GRIP2: variants seen among roughly 807,000 people sequenced by gnomAD.
The protein encoded by GRIP2 is glutamate receptor-interacting protein 2.
A neutral mutation model predicts 108.3 loss-of-function variants in GRIP2; 58 were observed. The observed-to-expected ratio is 0.54, with a 90% confidence interval of 0.43 to 0.67. GRIP2 has a LOEUF of 0.67. Among genes scored for constraint, GRIP2 ranks in the 30% least tolerant of loss-of-function variants. The pLI is 0.00. For missense variants in GRIP2, 1,278 were observed against 1,430.6 expected, an observed-to-expected ratio of 0.89 and a Z score of 1.72; for synonymous variants, 586 against 598.2, an observed-to-expected ratio of 0.98 and a Z score of 0.30.
the GRIP2 span, chr3:14,573,602 G>T: frequency 6.8e-7 from 1 of 1,467,384 alleles, no homozygotes; most frequent in South Asian, 1.1e-5. Flanking sequence ...TCTCACACTC[G>T]CCGTTGGTGC....
intron 1 of GRIP2, among the ~76,000 whole-genome samples, chr3:14,550,806 G>C (rs1695134898): frequency 6.6e-6 from 1 of 152,176 alleles, no homozygotes; most frequent in Non-Finnish European, 1.5e-5. Flanking sequence ...TCTGCGCATG[G>C]GCACTGAGAC....
chr3:14,572,132 G>A, the GRIP2 span, among the ~76,000 whole-genome samples: 29 of 152,282 alleles, frequency 1.9e-4, no homozygotes, highest in Middle Eastern at 3.4e-3. Context: ...TTTCGGTACC[G>A]GAGGCATGTT....
In GRIP2 at chr3:14,509,819, C is replaced by A; in HGVS notation, c.2078+1G>T. On this transcript the variant is annotated splice_donor_variant, in intron 17 of 23. Coordinates refer to ENST00000621039, the MANE Select transcript of GRIP2 (RefSeq NM_001080423.4). LOFTEE classifies it high-confidence loss of function. ...TGCGTCCCCACAGAGCCCCAGTTCACCTCTCAGCCAGGCCACGCTTGGTGA... is the reference window on the plus strand; with the variant it reads ...TGCGTCCCCACAGAGCCCCAGTTCAACTCTCAGCCAGGCCACGCTTGGTGA... 2 of 1,492,958 alleles carry A rather than the reference C, an allele frequency of 1.3e-6. No individual in the cohort carries two copies. The highest frequency in any genetic ancestry group is 1.8e-6 in the Non-Finnish European group (2 of 1,113,950). 92.5% of individuals were successfully genotyped at this position (1,492,958 alleles called of 1,614,324 possible).
chr3:14,497,978 G>A (rs1402629633), intron 21 of GRIP2, among the ~76,000 whole-genome samples: 1 of 152,144 alleles, frequency 6.6e-6, no homozygotes, highest in Non-Finnish European at 1.5e-5. Flanking sequence ...GCTGGGAGGG[G>A]AGGATGGACT....
intron 10 of GRIP2, 41 bp downstream of exon 10, chr3:14,517,731 G>C (rs767231401): frequency 3.1e-6 from 5 of 1,605,112 alleles, no homozygotes; most frequent in South Asian, 1.1e-5. Flanking sequence ...CCTAGGAAAG[G>C]CTACAAGACT....
In GRIP2 at chr3:14,512,740, C is replaced by T. The variant is rs762998651; in HGVS notation, c.1720+37G>A. 8 of 1,590,952 alleles carry T rather than the reference C, an allele frequency of 5.0e-6. No individual in the cohort carries two copies. Among genetic ancestry groups the T allele is most frequent in the Non-Finnish European group, 6.9e-6 (8 of 1,160,664 alleles). The stretch of plus-strand genomic sequence containing the variant: ...GCTCTTTTTCCCCAGCAGTTGAGCT[C>T]GCTCCCAGGGGCAAACAGCAGCGGG... On this transcript the variant is annotated intron_variant, in intron 14 of 23. Coordinates refer to ENST00000621039, the MANE Select transcript of GRIP2 (RefSeq NM_001080423.4). This position sits in a 1 kb window ranked among gnomAD's most constrained non-coding sequence, Gnocchi z 5.1.
chr3:14,568,872 C>G, the GRIP2 span, among the ~76,000 whole-genome samples: 71,506 of 152,086 alleles, frequency 0.47, 17,000 homozygotes, highest in South Asian at 0.55. Context: ...GTCAGACAAC[C>G]GAGGCTCCAA....
At position 14,500,339 on chromosome 3, in the gene GRIP2, G is replaced by T. The variant is rs146487239; in HGVS notation, c.2679+3227C>A. On this transcript the variant is annotated intron_variant, in intron 21 of 23. Coordinates refer to ENST00000621039, the MANE Select transcript of GRIP2 (RefSeq NM_001080423.4). ...AAGGAGGCAATATTGTAAACACCAT[G>T]ACTAGGAATTTTCCAGCATAGAAGG... 3.4e-3 allele frequency among the ~76,000 whole-genome samples: 514 copies of T among 152,334 alleles called. 4 individuals carry two copies. Among genetic ancestry groups the T allele is most frequent in the Non-Finnish European group, 4.9e-3 (330 of 68,030 alleles).
At chr3:14,513,951 G>C (rs922982610) in intron 12 of GRIP2, 141 bp from the exon 13 acceptor site, 39 of 1,027,664 alleles carry the variant, frequency 3.8e-5, no homozygotes, top group Non-Finnish European at 5.3e-5. Flanking sequence ...GCCCACCTGT[G>C]TATCCTCAGG....
chr3:14,569,936 C>T, the GRIP2 span, among the ~76,000 whole-genome samples: 3 of 152,096 alleles, frequency 2.0e-5, no homozygotes, highest in African/African-American at 4.8e-5. Flanking sequence ...TCACAAAAAC[C>T]TTTGCACGAG....
At chr3:14,496,195 CATCT>C (rs1253093313) in intron 22 of GRIP2, among the ~76,000 whole-genome samples, 4 of 151,978 alleles carry the variant, frequency 2.6e-5, no homozygotes, top group Admixed American at 2.0e-4. Context: ...AAAAAAAGCA[CATCT>C]ACTTAAAGAA....
At chr3:14,531,694 A>G (rs763262908) in intron 1 of GRIP2, among the ~76,000 whole-genome samples, 7 of 152,190 alleles carry the variant, frequency 4.6e-5, no homozygotes, top group Non-Finnish European at 8.8e-5. Flanking sequence ...ACAGGCTCAG[A>G]AAAGGGAGGT....
chr3:14,602,895 G>C, the GRIP2 span, among the ~76,000 whole-genome samples: 1 of 150,764 alleles, frequency 6.6e-6, no homozygotes, highest in African/African-American at 2.4e-5. This position sits in a 1 kb window ranked among gnomAD's most constrained non-coding sequence, Gnocchi z 4.7. Flanking sequence ...CGCCGCGCGC[G>C]CGCTCACCGG....
chr3:14,597,114 G>C, the GRIP2 span, among the ~76,000 whole-genome samples: 14 of 152,326 alleles, frequency 9.2e-5, no homozygotes, highest in African/African-American at 3.4e-4. Context: ...AACAGCAAGT[G>C]CAAAGGCCCT....
intron 23 of GRIP2, among the ~76,000 whole-genome samples, chr3:14,494,617 G>A (rs1013068422): frequency 4.6e-5 from 7 of 152,218 alleles, no homozygotes; most frequent in Non-Finnish European, 1.0e-4. Flanking sequence ...CCCGGGACAA[G>A]AAGGCCCCCA....
rs199683154 is a variant in GRIP2 at position 14,511,478 on chromosome 3, C to T, written c.1722G>A (p.Ser574=). ...AGGGCTCCCCTCGTTTCCTGCTGGC[C>T]GCTGGAGAAAAAGAGGCCATGAATC... ...RSVELGITIS[S]ASRKRGEPLI... is the part of the protein sequence containing the mutation. The change falls in exon 15 of 24, where the codon TCG becomes TCA. Residue 574 remains serine (S), a splice_region_variant and synonymous_variant. Coordinates refer to ENST00000621039, the MANE Select transcript of GRIP2 (RefSeq NM_001080423.4). The surrounding 1 kb of genome is among the most constrained non-coding windows in gnomAD (Gnocchi z 4.1). 1.6e-4 allele frequency: 256 copies of T among 1,613,220 alleles called. 1 individual carries two copies. Among genetic ancestry groups the T allele is most frequent in the Admixed American group, 2.2e-4 (13 of 60,018 alleles).
upstream of GRIP2, among the ~76,000 whole-genome samples, chr3:14,560,848 A>G (rs1419659442): frequency 1.3e-5 from 2 of 152,226 alleles, no homozygotes; most frequent in Non-Finnish European, 2.9e-5. Flanking sequence ...CTCATCTCAG[A>G]GTTCCAGATT....
chr3:14,597,702 C>T, the GRIP2 span, among the ~76,000 whole-genome samples: 75 of 151,280 alleles, frequency 5.0e-4, 1 homozygote, highest in African/African-American at 1.8e-3. Flanking sequence ...GTCCTTTTAC[C>T]CACAAAGCAA....
chr3:14,567,786 G>A, the GRIP2 span, among the ~76,000 whole-genome samples: 324 of 152,342 alleles, frequency 2.1e-3, 1 homozygote, highest in African/African-American at 7.5e-3. Context: ...CAGCACTTAC[G>A]TTCTACGCAG....
Sources: allele counts gnomAD v4.1 joint callset (sites outside exome capture counted in the v4.1 genomes callset), GRCh38; gene constraint gnomAD v4.1.1; non-coding constraint Gnocchi (gnomAD v3.1); transcripts MANE v1.5; gene names NCBI Gene and HGNC (gene_info 2026-07-23, HGNC 2026-07-21).